Variants in LOXL4 observed in about 807,000 individuals in gnomAD.
LOXL4 encodes lysyl oxidase homolog 4.
In LOXL4, 72 loss-of-function variants were observed where a neutral mutation model predicts 89.1. The observed-to-expected ratio is 0.81, with a 90% CI of 0.67 to 0.98. The LOEUF (loss-of-function observed/expected upper bound fraction) is 0.98, where lower values mean the gene tolerates loss of function less well. Ranked by LOEUF, LOXL4 falls within the 50% of genes least tolerant of loss-of-function variation. The probability of loss-of-function intolerance (pLI) is 0.00; values close to 1 mark genes in which losing one functional copy is unlikely to be tolerated. For missense variants in LOXL4, 984 were observed against 1,017.5 expected, an observed-to-expected ratio of 0.97 and a Z score of 0.45; for synonymous variants, 355 against 392.1, an observed-to-expected ratio of 0.91 and a Z score of 1.12.
At chr10:98,265,868 C>T (rs1454686745) in intron 1 of LOXL4, among the ~76,000 whole-genome samples, 1 of 152,146 alleles carries the variant, frequency 6.6e-6, no homozygotes, top group Non-Finnish European at 1.5e-5. Flanking sequence ...CTTTTCCCTC[C>T]ACCCACACTG....
At chr10:98,254,008 T>A (rs1858286621) in intron 10 of LOXL4, among the ~76,000 whole-genome samples, 1 of 152,192 alleles carries the variant, frequency 6.6e-6, no homozygotes, top group African/African-American at 2.4e-5. Flanking sequence ...AGTGTCATGG[T>A]TAGGCTTGCT....
At chr10:98,254,567 TAAAGG>T (rs1858300755) in intron 10 of LOXL4, among the ~76,000 whole-genome samples, 1 of 151,202 alleles carries the variant, frequency 6.6e-6, no homozygotes, top group Non-Finnish European at 1.5e-5. Context: ...GAAGAGAGAG[TAAAGG>T]AAAGAAAGCA....
chr10:98,263,101 A>C, intron 1 of LOXL4, 50 bp from the exon 2 acceptor site: 60 of 1,478,506 alleles, frequency 4.1e-5, no homozygotes, highest in Non-Finnish European at 5.3e-5. Context: ...CCCAGATCTC[A>C]GACCTCTGCA....
chr10:98,263,994 G>A (rs911468915), intron 1 of LOXL4, among the ~76,000 whole-genome samples: 1 of 151,878 alleles, frequency 6.6e-6, no homozygotes, highest in Non-Finnish European at 1.5e-5. Flanking sequence ...GCCTCCCAAA[G>A]TGCTGGGATT....
At position 98,251,075 on chromosome 10, in the gene LOXL4, G is replaced by A; in HGVS notation, c.2190C>T (p.Asn730=). Residue 730 remains asparagine (N), a synonymous_variant, in exon 14 of 15, where the codon AAC becomes AAT. Transcript: ENST00000260702. The part of the protein sequence containing the change: ...KYDGHRVWLH[N]CHTGNSYPAN... ...GTGGCTCGGAGTTACCTGTGTGGCA[G>A]TTGTGCAGCCAGACCCGGTGCCCAT... 2 of 1,613,746 alleles carry A rather than the reference G, an allele frequency of 1.2e-6. No homozygotes were observed. Among genetic ancestry groups the A allele is most frequent in the South Asian group, 1.1e-5 (1 of 91,034 alleles).
chr10:98,258,920 G>A (rs1858457654), intron 6 of LOXL4, 89 bp downstream of exon 6: 7 of 990,322 alleles, frequency 7.1e-6, no homozygotes, highest in African/African-American at 3.3e-5. Context: ...TCTCTCCTGC[G>A]TGTCCTGGAC....
chr10:98,252,054 G>T, intron 12 of LOXL4: 1 of 480,828 alleles, frequency 2.1e-6, no homozygotes, highest in Non-Finnish European at 3.7e-6. Flanking sequence ...CAGACAGGAA[G>T]CAGGCAATGC....
At chr10:98,255,792 GACT>G (rs1858344865) in intron 9 of LOXL4, 53 bp from the exon 10 acceptor site, 2 of 1,577,838 alleles carry the variant, frequency 1.3e-6, no homozygotes, top group Non-Finnish European at 8.7e-7. Flanking sequence ...GTCACCTCCT[GACT>G]CCCATCTGAG....
At chr10:98,267,393 T>C (rs1479713377) in intron 1 of LOXL4, among the ~76,000 whole-genome samples, 1 of 152,176 alleles carries the variant, frequency 6.6e-6, no homozygotes, top group East Asian at 1.9e-4. Context: ...TGCCAGGAGA[T>C]GCTGGGACCT....
intron 14 of LOXL4, 71 bp from the exon 15 acceptor site, chr10:98,249,062 G>T: frequency 1.7e-6 from 2 of 1,172,098 alleles, no homozygotes; most frequent in Admixed American, 1.9e-5. Context: ...AACTTACATA[G>T]ATCCACTCTG....
At chr10:98,252,271 G>A (rs938140259) in intron 12 of LOXL4, 82 bp downstream of exon 12, 1 of 1,072,908 alleles carries the variant, frequency 9.3e-7, no homozygotes, top group Non-Finnish European at 1.4e-6. Context: ...GCTGAACAGG[G>A]CAGAGAGAAA....
chr10:98,259,480 C>T lies in LOXL4; in HGVS notation c.663-51G>A, dbSNP rs182230307. The T allele has an allele frequency of 8.4e-5, 126 of 1,506,526 alleles. 1 individual carries two copies. In the East Asian group the frequency reaches 2.6e-3, roughly 31 times the overall value. The allele number at this position is 1,506,526 out of a possible 1,614,324, so 93.3% of individuals were successfully genotyped here. A position where few individuals can be genotyped will look rare whatever the true frequency, so the allele number is the denominator to read the frequency against. Reference sequence around the variant, plus strand: ...GGTGGAAGGGGTGTGGAAGTCCCACCCCCTGCCACCTGGTTCCTCATAGTT... The same window carrying T: ...GGTGGAAGGGGTGTGGAAGTCCCACTCCCTGCCACCTGGTTCCTCATAGTT... On this transcript the variant is annotated intron_variant, in intron 4 of 14. Coordinates refer to ENST00000260702, the MANE Select transcript of LOXL4 (RefSeq NM_032211.7).
At chr10:98,258,835 A>G (rs978116085) in intron 6 of LOXL4, among the ~76,000 whole-genome samples, 174 bp downstream of exon 6, 5 of 152,214 alleles carry the variant, frequency 3.3e-5, no homozygotes, top group African/African-American at 1.2e-4. Context: ...TGGTAGGGCT[A>G]TAAATGATCC....
Position 98,252,351 on chromosome 10 carries a change from AC to A in LOXL4, c.1951+1del. ...GATAGGTGCTGACAGGAAACCACAT[AC>A]CTGTGGGGCAGTTTGTGTCCTCCAG... On this transcript the variant is annotated splice_donor_variant, in intron 12 of 14. Transcript: ENST00000260702. LOFTEE classifies it high-confidence loss of function. 6.2e-7 allele frequency: 1 copy of A among 1,604,144 alleles called. No individual in the cohort carries two copies. Among genetic ancestry groups the A allele is most frequent in the Middle Eastern group, 1.7e-4 (1 of 6,040 alleles).
At position 98,256,945 on chromosome 10, in the gene LOXL4, C is replaced by A. The variant is rs1858385334; in HGVS notation, c.1263G>T (p.Val421=). 2 of 1,613,860 alleles carry A rather than the reference C, an allele frequency of 1.2e-6. No individual in the cohort carries two copies. Among genetic ancestry groups the A allele is most frequent in the Non-Finnish European group, 1.7e-6 (2 of 1,179,878 alleles). The change falls in exon 9 of 15, where the codon GTG becomes GTT. Residue 421 remains valine (V), a splice_region_variant and synonymous_variant. Transcript: ENST00000260702. ...CAGGGATACGCCCACCAGCCAAGCGCACCTGCAATGGCGAGGGGTGTGTGA... is the reference window on the plus strand; with the variant it reads ...CAGGGATACGCCCACCAGCCAAGCGAACCTGCAATGGCGAGGGGTGTGTGA... ...NVPNMGFQNQ[V]RLAGGRIPEE... is the part of the protein sequence containing the mutation.
Position 98,258,049 on chromosome 10 carries a change from C to G in LOXL4, c.1037G>C (p.Ser346Thr). The G allele has an allele frequency of 1.2e-6, 2 of 1,613,896 alleles. No homozygotes were observed. Among genetic ancestry groups the G allele is most frequent in the Non-Finnish European group, 1.7e-6 (2 of 1,180,044 alleles). Residue 346 changes from serine (S) to threonine (T), a missense_variant, in exon 7 of 15, where the codon AGT (serine) becomes ACT (threonine). Coordinates refer to ENST00000260702, the MANE Select transcript of LOXL4 (RefSeq NM_032211.7). The stretch of plus-strand genomic sequence containing the variant: ...AAAGCCCAGCTGACGACACACGACA[C>G]TGGCAGAGATGAGGTTCCACCTGTG... ...CDHRWNLISA[S>T]VVCRQLGFGS...
intron 1 of LOXL4, 126 bp from the exon 2 acceptor site, chr10:98,263,177 C>T (rs200496454): frequency 3.6e-5 from 24 of 658,750 alleles, no homozygotes; most frequent in African/African-American, 5.5e-5. Flanking sequence ...TGTGTGTGCA[C>T]GCGCACACAC....
At chr10:98,251,533 C>A (rs1245712025) in intron 13 of LOXL4, 33 bp downstream of exon 13, 3 of 1,609,986 alleles carry the variant, frequency 1.9e-6, no homozygotes, top group Non-Finnish European at 2.5e-6. Flanking sequence ...TGGAGGAAAT[C>A]AGGCTCTGTG....
Position 98,250,315 on chromosome 10 carries a change from T to G in LOXL4, c.2200+750A>C, listed in dbSNP as rs183503977. Among the ~76,000 whole-genome samples the G allele has an allele frequency of 1.8e-3, 281 of 152,278 alleles. 4 individuals carry two copies. In the South Asian group the frequency reaches 0.027, roughly 14 times the overall value. On this transcript the variant is annotated intron_variant, in intron 14 of 14. Transcript: ENST00000260702. ...GCTTGCTCAGCATTCAGTCCACACA[T>G]TAGTAGTATTGGGGCTATTTGCATG...
Sources: allele counts gnomAD v4.1 joint callset (sites outside exome capture counted in the v4.1 genomes callset), GRCh38; gene constraint gnomAD v4.1.1; transcripts MANE v1.5; gene names NCBI Gene and HGNC (gene_info 2026-07-23, HGNC 2026-07-21).